HECW1: variants seen among roughly 807,000 people sequenced by gnomAD.
HECW1 encodes the protein E3 ubiquitin-protein ligase HECW1.
A neutral mutation model predicts 182.3 loss-of-function variants in HECW1; 61 were observed. The observed-to-expected ratio is 0.33, with a 90% CI of 0.27 to 0.41. The LOEUF (loss-of-function observed/expected upper bound fraction) is 0.41. Ranked by LOEUF, HECW1 falls within the 10% of genes least tolerant of loss-of-function variation. The probability of loss-of-function intolerance (pLI) is 1.00; values close to 1 mark genes in which losing one functional copy is unlikely to be tolerated. For synonymous variants in HECW1, 859 were observed against 832.6 expected (o/e 1.03, Z -0.55); for missense variants, 1,739 against 2,108.9 (o/e 0.82, Z 3.44).
At chr7:43,462,628 G>A (rs2077627266) in intron 13 of HECW1, among the ~76,000 whole-genome samples, 1 of 152,158 alleles carries the variant, frequency 6.6e-6, no homozygotes, top group African/African-American at 2.4e-5. Context: ...AGCTCAGGTT[G>A]GGGAACCTGT....
At chr7:43,252,581 A>G (rs879227145) in intron 3 of HECW1, among the ~76,000 whole-genome samples, 1 of 152,240 alleles carries the variant, frequency 6.6e-6, no homozygotes, top group East Asian at 1.9e-4. Flanking sequence ...CTCTGGGCCC[A>G]TTGATCCCAG....
At chr7:43,389,062 C>A (rs148349704) in intron 6 of HECW1, among the ~76,000 whole-genome samples, 31 of 152,284 alleles carry the variant, frequency 2.0e-4, no homozygotes, top group African/African-American at 7.2e-4. Context: ...CAGGCCCAAG[C>A]CCTGAAAACA....
rs969311937 is a variant in HECW1, at chr7:43,463,579, C to T, written c.2652-81C>T. 9 of 1,309,102 alleles carry T rather than the reference C, an allele frequency of 6.9e-6. No homozygotes were observed. In the African/African-American group the frequency reaches 8.8e-5, roughly 13 times the overall value. 81.1% of individuals were successfully genotyped at this position (1,309,102 alleles called of 1,614,324 possible). A position where few individuals can be genotyped will look rare whatever the true frequency, so the allele number is the denominator to read the frequency against. On this transcript the variant is annotated intron_variant, in intron 13 of 29. Coordinates refer to ENST00000395891, the MANE Select transcript of HECW1 (RefSeq NM_015052.5). ...ATTCAAGACAATTCTTTACAGATTT[C>T]TCCAATTATCTGATTCAGAGTTTTG... is the stretch of plus-strand genomic sequence containing the variant.
At chr7:43,209,751 G>A (rs776210595) in intron 2 of HECW1, among the ~76,000 whole-genome samples, 5 of 152,112 alleles carry the variant, frequency 3.3e-5, no homozygotes, top group Admixed American at 6.5e-5. Context: ...AGAAGAATGT[G>A]GAGAAGAGTG....
Position 43,276,456 on chromosome 7 carries a change from T to A in HECW1, c.27+32524T>A, listed in dbSNP as rs544295458. Reference sequence around the variant, plus strand: ...AAAAGAGACTACATTTTAAAAAATATATAGGTAATAAGATACTGGTCAAAA... The same window carrying A: ...AAAAGAGACTACATTTTAAAAAATAAATAGGTAATAAGATACTGGTCAAAA... On this transcript the variant is annotated intron_variant, in intron 3 of 29. Transcript: ENST00000395891. Among the ~76,000 whole-genome samples the A allele has an allele frequency of 1.0e-2, 1,501 of 150,774 alleles. 25 individuals carry two copies. The highest frequency in any genetic ancestry group is 0.036 in the African/African-American group (1,426 of 40,148).
At chr7:43,510,268 C>T (rs1397718292) in intron 24 of HECW1, 1 of 152,198 alleles carries the variant, frequency 6.6e-6, no homozygotes, top group East Asian at 1.9e-4. Context: ...GGAATATACA[C>T]ATACACAGAT....
intron 3 of HECW1, among the ~76,000 whole-genome samples, chr7:43,268,181 G>T (rs1289997092): frequency 1.1e-4 from 16 of 152,166 alleles, no homozygotes; most frequent in African/African-American, 3.4e-4. Context: ...CTGCCCTCAG[G>T]GTGGTTACTT....
chr7:43,333,843 C>T (rs905617171), intron 5 of HECW1, among the ~76,000 whole-genome samples: 1 of 152,128 alleles, frequency 6.6e-6, no homozygotes, highest in African/African-American at 2.4e-5. Context: ...TATCTACCTT[C>T]CCCTTGTAAT....
Position 43,367,317 on chromosome 7 carries a change from C to T in HECW1, c.555+6337C>T, listed in dbSNP as rs147206705. Among the ~76,000 whole-genome samples the T allele has an allele frequency of 4.4e-3, 666 of 152,268 alleles. 5 individuals carry two copies. Among genetic ancestry groups the T allele is most frequent in the African/African-American group, 0.015 (633 of 41,546 alleles). On this transcript the variant is annotated intron_variant, in intron 6 of 29. Transcript: ENST00000395891. ...AGCATATCACCAATACTTAGCTAAC[C>T]AGCACTAAAAGGAAACCTCATTAAC...
chr7:43,487,677 G>T (rs989679805), intron 17 of HECW1, among the ~76,000 whole-genome samples: 3 of 152,196 alleles, frequency 2.0e-5, no homozygotes, highest in Admixed American at 2.0e-4. Flanking sequence ...AACAAAGCAG[G>T]CCGCGGATGG....
At position 43,394,626 on chromosome 7, in the gene HECW1, A is replaced by G. The variant is rs552886783; in HGVS notation, c.556-2188A>G. 1.7e-3 allele frequency among the ~76,000 whole-genome samples: 256 copies of G among 152,298 alleles called. 1 individual carries two copies. The highest frequency in any genetic ancestry group is 6.0e-3 in the African/African-American group (251 of 41,560). On this transcript the variant is annotated intron_variant, in intron 6 of 29. Transcript: ENST00000395891. ...AGATGAATAAGGGGTATGGCATCCA[A>G]TGGTCTAGATCTGGGCATCTGGTGA...
At chr7:43,259,200 G>A (rs911956557) in intron 3 of HECW1, among the ~76,000 whole-genome samples, 12 of 152,158 alleles carry the variant, frequency 7.9e-5, no homozygotes, top group Admixed American at 4.6e-4. Context: ...CAGCCTGGCC[G>A]ACATGGCGAA....
chr7:43,460,248 G>A (rs1001061306), intron 13 of HECW1, among the ~76,000 whole-genome samples: 1 of 152,182 alleles, frequency 6.6e-6, no homozygotes, highest in Non-Finnish European at 1.5e-5. Context: ...GGTTCTAGGG[G>A]TTTATTCTAC....
At chr7:43,483,357 G>C (rs1189437855) in intron 17 of HECW1, among the ~76,000 whole-genome samples, 4 of 151,794 alleles carry the variant, frequency 2.6e-5, no homozygotes, top group Admixed American at 1.3e-4. Context: ...AGTGCCCCCA[G>C]TTCCCCAAGT....
chr7:43,283,060 G>T (rs572981058), intron 3 of HECW1, among the ~76,000 whole-genome samples: 17 of 152,100 alleles, frequency 1.1e-4, no homozygotes, highest in Admixed American at 9.8e-4. Flanking sequence ...AGAGGTTGCA[G>T]TGAGCCGAGA....
rs1293957697 is a variant in HECW1, at chr7:43,417,545, G to A, written c.801+9814G>A. 3.5e-3 allele frequency among the ~76,000 whole-genome samples: 532 copies of A among 152,106 alleles called. 2 individuals carry two copies. The highest frequency in any genetic ancestry group is 0.012 in the African/African-American group (503 of 41,512). The stretch of plus-strand genomic sequence containing the variant: ...TGGATATAGAATTCTGGGTTAACTG[G>A]TATGTTTCCCCTCAGCACTTGAAAA... On this transcript the variant is annotated intron_variant, in intron 8 of 29. Transcript: ENST00000395891.
intron 6 of HECW1, among the ~76,000 whole-genome samples, chr7:43,392,257 G>A (rs2075058618): frequency 6.6e-6 from 1 of 152,180 alleles, no homozygotes; most frequent in South Asian, 2.1e-4. Context: ...ATGTTTAGGG[G>A]AAATAATTCT....
At chr7:43,302,052 G>A (rs181213101) in intron 3 of HECW1, among the ~76,000 whole-genome samples, 53 of 152,284 alleles carry the variant, frequency 3.5e-4, no homozygotes, top group Admixed American at 3.2e-3. Context: ...TAATTTCAAT[G>A]AGGATACAAA....
At chr7:43,494,844 T>C (rs2079056661) in intron 19 of HECW1, among the ~76,000 whole-genome samples, 1 of 152,134 alleles carries the variant, frequency 6.6e-6, no homozygotes, top group African/African-American at 2.4e-5. Context: ...ATAATGTCCA[T>C]GGTCTCAAAG....
Sources: gnomAD v4.1 joint callset for allele counts (sites outside exome capture counted in the v4.1 genomes callset) on GRCh38, gnomAD v4.1.1 for gene constraint, MANE v1.5 for transcripts, NCBI Gene and HGNC (gene_info 2026-07-23, HGNC 2026-07-21) for gene names.